The following PDE4D variants were observed in gnomAD, a reference collection of about 807,000 sequenced individuals.
PDE4D encodes the protein 3',5'-cyclic-AMP phosphodiesterase 4D.
Under a neutral mutation model 87.4 loss-of-function variants are expected in PDE4D, and 24 were observed. The ratio of observed to expected loss-of-function variants is 0.27; its 90% CI spans 0.20 to 0.39. The LOEUF (loss-of-function observed/expected upper bound fraction) is 0.39, where lower values mean the gene tolerates loss of function less well. PDE4D is among the 10% of genes least tolerant of loss of function. The pLI is 1.00. For synonymous variants in PDE4D, 384 were observed against 383.2 expected (o/e 1.00, Z -0.02); for missense variants, 714 against 1,041.0 (o/e 0.69, Z 4.32).
intron 1 of PDE4D, among the ~76,000 whole-genome samples, chr5:59,599,453 C>T (rs1827183683): frequency 6.6e-6 from 1 of 151,752 alleles, no homozygotes; most frequent in African/African-American, 2.4e-5. Context: ...GTTGGCTAGG[C>T]TGGTCTTGAA....
chr5:60,379,754 T>C (rs962820052), intron 1 of PDE4D, among the ~76,000 whole-genome samples: 3 of 152,180 alleles, frequency 2.0e-5, no homozygotes, highest in African/African-American at 7.2e-5. Flanking sequence ...AAGACACCTC[T>C]TTCTCCTCAT....
intron 1 of PDE4D, among the ~76,000 whole-genome samples, chr5:60,479,604 T>C (rs1748576190): frequency 1.3e-5 from 2 of 152,198 alleles, no homozygotes; most frequent in Admixed American, 6.5e-5. Context: ...GTAAACTCTT[T>C]TGTAAAAGGT....
chr5:59,768,644 C>T (rs1561631588), intron 1 of PDE4D: 1 of 1,516,844 alleles, frequency 6.6e-7, no homozygotes, highest in African/African-American at 1.4e-5. Flanking sequence ...CTCAGTCTCT[C>T]TGTAGAGCCT....
At chr5:60,003,225 C>T (rs1221046684) in intron 2 of PDE4D, among the ~76,000 whole-genome samples, 1 of 152,000 alleles carries the variant, frequency 6.6e-6, no homozygotes, top group East Asian at 1.9e-4. Context: ...CACTTAAAGA[C>T]ATTAATGAAA....
chr5:59,429,005 C>G (rs1795720338), intron 1 of PDE4D, among the ~76,000 whole-genome samples: 1 of 151,942 alleles, frequency 6.6e-6, no homozygotes, highest in South Asian at 2.1e-4. Flanking sequence ...CAATTTTAAG[C>G]CTAAATAGGT....
intron 2 of PDE4D, among the ~76,000 whole-genome samples, chr5:60,175,854 A>G (rs1247600176): frequency 1.3e-5 from 2 of 152,082 alleles, no homozygotes; most frequent in African/African-American, 4.8e-5. Context: ...TGTTGTGCAA[A>G]TCCTAGCATA....
chr5:59,491,236 T>C (rs934105483), intron 1 of PDE4D, among the ~76,000 whole-genome samples: 1 of 152,200 alleles, frequency 6.6e-6, no homozygotes, highest in African/African-American at 2.4e-5. Context: ...AGTAAGTAAA[T>C]AACATAAAGT....
At chr5:59,576,398 T>C (rs1407664798) in intron 1 of PDE4D, among the ~76,000 whole-genome samples, 1 of 152,162 alleles carries the variant, frequency 6.6e-6, no homozygotes, top group Non-Finnish European at 1.5e-5. Context: ...ATCTGTATTA[T>C]TTTTTATAGC....
chr5:60,174,013 A>G (rs1018363203), intron 2 of PDE4D, among the ~76,000 whole-genome samples: 1 of 152,164 alleles, frequency 6.6e-6, no homozygotes, highest in South Asian at 2.1e-4. Flanking sequence ...AATATTTAGG[A>G]TATGTAGCAG....
chr5:59,830,829 C>G (rs1413266590), intron 1 of PDE4D, among the ~76,000 whole-genome samples: 3 of 152,086 alleles, frequency 2.0e-5, no homozygotes, highest in Admixed American at 2.0e-4. Context: ...TTCAGTTAAA[C>G]AGTTTTTCTT....
At chr5:59,567,585 A>G (rs1163000945) in intron 1 of PDE4D, among the ~76,000 whole-genome samples, 1 of 152,216 alleles carries the variant, frequency 6.6e-6, no homozygotes, top group Non-Finnish European at 1.5e-5. Flanking sequence ...TTTGGGACAC[A>G]AATACATTTT....
intron 1 of PDE4D, among the ~76,000 whole-genome samples, chr5:59,296,283 G>T (rs1018842294): frequency 1.3e-5 from 2 of 151,932 alleles, no homozygotes; most frequent in Admixed American, 1.3e-4. Context: ...ATAAATAATA[G>T]TAACCATACA....
intron 2 of PDE4D, among the ~76,000 whole-genome samples, chr5:59,993,214 G>T (rs985213963): frequency 1.3e-5 from 2 of 152,104 alleles, no homozygotes; most frequent in Non-Finnish European, 2.9e-5. Context: ...TATGAGTAGG[G>T]CTTATGAGTC....
intron 2 of PDE4D, among the ~76,000 whole-genome samples, chr5:60,001,779 T>G (rs1279320455): frequency 1.3e-5 from 2 of 148,808 alleles, no homozygotes; most frequent in African/African-American, 4.9e-5. Context: ...AAGTGTAGAG[T>G]TTTTGTATGT....
intron 1 of PDE4D, among the ~76,000 whole-genome samples, chr5:59,250,933 C>G (rs1178373609): frequency 6.6e-6 from 1 of 152,116 alleles, no homozygotes; most frequent in Non-Finnish European, 1.5e-5. Flanking sequence ...GGAGAAAACA[C>G]TCCCTATTCA....
intron 5 of PDE4D, among the ~76,000 whole-genome samples, chr5:59,137,334 G>C (rs1777220553): frequency 6.6e-6 from 1 of 152,074 alleles, no homozygotes; most frequent in Admixed American, 6.5e-5. Context: ...GAACTGTGAG[G>C]GAAGGAATTG....
At chr5:59,008,725 G>A (rs1012062207) in intron 6 of PDE4D, among the ~76,000 whole-genome samples, 1 of 151,806 alleles carries the variant, frequency 6.6e-6, no homozygotes, top group Non-Finnish European at 1.5e-5. Context: ...AATAAAAAAT[G>A]GTATACTGGA....
In PDE4D at chr5:59,700,499, G is replaced by A. The variant is rs550152407; in HGVS notation, c.455+192669C>T. 3.3e-5 allele frequency among the ~76,000 whole-genome samples: 5 copies of A among 151,874 alleles called. No homozygotes were observed. In the South Asian group the frequency reaches 1.0e-3, roughly 32 times the overall value. ...TTTATTGAATACCAAAAATAATATGGGAGAAAAAAATCACGTAGATTTCAC... is the reference window on the plus strand; with the variant it reads ...TTTATTGAATACCAAAAATAATATGAGAGAAAAAAATCACGTAGATTTCAC... On this transcript the variant is annotated intron_variant, in intron 1 of 14. Coordinates refer to ENST00000340635, the MANE Select transcript of PDE4D (RefSeq NM_001104631.2).
rs546874383 is a variant in PDE4D, at chr5:59,569,254, T to A, written c.455+323914A>T. ...ATAAATCACGCTATATTATCATTAA[T>A]TAGAGCCAAGTTAAAATGTTAAAAT... is the stretch of plus-strand genomic sequence containing the variant. On this transcript the variant is annotated intron_variant, in intron 1 of 14. Transcript: ENST00000340635. Among the ~76,000 whole-genome samples, 5 of 152,326 alleles carry A rather than the reference T, an allele frequency of 3.3e-5. No homozygotes were observed. In the South Asian group the frequency reaches 1.0e-3, roughly 32 times the overall value.
Sources: allele counts gnomAD v4.1 joint callset (sites outside exome capture counted in the v4.1 genomes callset), GRCh38; gene constraint gnomAD v4.1.1; transcripts MANE v1.5; gene names NCBI Gene and HGNC (gene_info 2026-07-23, HGNC 2026-07-21).